Variants in ADGRL3 observed in about 807,000 individuals in gnomAD.
The protein encoded by ADGRL3 is calcium-independent alpha-latrotoxin receptor 3.
ADGRL3 carries 62 observed loss-of-function variants against 153.5 expected under a neutral mutation model. The ratio of observed to expected loss-of-function variants is 0.40; its 90% CI spans 0.33 to 0.50. The LOEUF (loss-of-function observed/expected upper bound fraction) is 0.50, where lower values mean the gene tolerates loss of function less well. ADGRL3 is among the 20% of genes least tolerant of loss of function. The probability of loss-of-function intolerance (pLI) is 0.47; values close to 1 mark genes in which losing one functional copy is unlikely to be tolerated. For missense variants in ADGRL3, 1,641 were observed against 1,859.4 expected (o/e 0.88, Z 2.16); for synonymous variants, 710 against 672.5 (o/e 1.06, Z -0.86).
chr4:61,360,323 C>A (rs1394315723), intron 1 of ADGRL3, among the ~76,000 whole-genome samples: 1 of 152,034 alleles, frequency 6.6e-6, no homozygotes, highest in African/African-American at 2.4e-5. Flanking sequence ...TGACCAAAAT[C>A]ATTAGAAAAG....
chr4:61,550,773 T>C (rs1485783524), intron 4 of ADGRL3, among the ~76,000 whole-genome samples: 3 of 152,040 alleles, frequency 2.0e-5, no homozygotes, highest in African/African-American at 7.2e-5. Context: ...AGTATTCTTA[T>C]TTGTGAAGTG....
chr4:61,674,410 T>C (rs564845431), intron 5 of ADGRL3, among the ~76,000 whole-genome samples: 51 of 151,808 alleles, frequency 3.4e-4, no homozygotes, highest in Non-Finnish European at 5.9e-4. Flanking sequence ...TGTTTATACC[T>C]GAAAATTACA....
chr4:61,971,138 TTTTA>T lies in ADGRL3; in HGVS notation c.2806-8417_2806-8414del, dbSNP rs532357009. 4.9e-3 allele frequency among the ~76,000 whole-genome samples: 748 copies of T among 151,694 alleles called. 6 individuals carry two copies. Among genetic ancestry groups the T allele is most frequent in the African/African-American group, 0.015 (611 of 41,484 alleles). ...AGAGGCAATTTAATTTTTTAAATTT[TTTTA>T]TTTATTTTTATTTATTTATTTATTA... On this transcript the variant is annotated intron_variant, in intron 17 of 26. Coordinates refer to ENST00000683033, the MANE Select transcript of ADGRL3 (RefSeq NM_001387552.1).
chr4:61,314,784 C>T (rs977965439), intron 1 of ADGRL3, among the ~76,000 whole-genome samples: 1 of 152,168 alleles, frequency 6.6e-6, no homozygotes, highest in African/African-American at 2.4e-5. Flanking sequence ...GAGTACAGTT[C>T]AGGAAGGCTG....
intron 21 of ADGRL3, among the ~76,000 whole-genome samples, chr4:62,007,694 T>C (rs554181586): frequency 3.2e-4 from 48 of 151,760 alleles, no homozygotes; most frequent in African/African-American, 1.1e-3. Flanking sequence ...ATGTGGACAC[T>C]GTGCCCCACA....
intron 15 of ADGRL3, 145 bp downstream of exon 15, chr4:61,936,190 CTCTT>C (rs899255731): frequency 1.4e-4 from 117 of 845,076 alleles, no homozygotes; most frequent in Admixed American, 2.0e-4. Context: ...CCTCTTCCTC[CTCTT>C]TCTACTGTAC....
At chr4:61,272,057 A>G (rs1262548760) in intron 1 of ADGRL3, among the ~76,000 whole-genome samples, 1 of 152,026 alleles carries the variant, frequency 6.6e-6, no homozygotes, top group African/African-American at 2.4e-5. Context: ...AGTGGAATCA[A>G]TTCACAGTCA....
At chr4:61,496,813 C>T (rs170842) in intron 2 of ADGRL3, among the ~76,000 whole-genome samples, 112,268 of 150,176 alleles carry the variant, frequency 0.75, 44,186 homozygotes, top group East Asian at 0.95. Flanking sequence ...TGGTGGTGGG[C>T]GCTTGTAGTC....
intron 8 of ADGRL3, among the ~76,000 whole-genome samples, chr4:61,748,460 T>C (rs1415769839): frequency 5.3e-5 from 8 of 151,454 alleles, no homozygotes; most frequent in Non-Finnish European, 1.0e-4. Flanking sequence ...CTTCAAACTA[T>C]ACTACAAGGC....
intron 15 of ADGRL3, among the ~76,000 whole-genome samples, chr4:61,938,346 AC>A (rs1581546976): frequency 6.6e-6 from 1 of 152,190 alleles, no homozygotes; most frequent in African/African-American, 2.4e-5. Context: ...TTATGTTATA[AC>A]AGATAAGTCT....
chr4:61,428,020 A>C (rs1456867), intron 2 of ADGRL3: 142,658 of 153,042 alleles, frequency 0.93, 67,324 homozygotes, highest in East Asian at 1. Flanking sequence ...CCACAAGGTA[A>C]CACAACCCAT....
At chr4:61,835,013 T>A (rs1225601898) in intron 9 of ADGRL3, among the ~76,000 whole-genome samples, 3 of 152,192 alleles carry the variant, frequency 2.0e-5, no homozygotes, top group Non-Finnish European at 1.5e-5. Context: ...TATCTCTTCA[T>A]AACTGACATT....
intron 2 of ADGRL3, among the ~76,000 whole-genome samples, chr4:61,390,153 A>C (rs1183669154): frequency 6.6e-6 from 1 of 152,170 alleles, no homozygotes; most frequent in African/African-American, 2.4e-5. Context: ...TAGTTATTTT[A>C]AAATAAATGT....
At chr4:61,591,025 T>C (rs1421675413) in intron 5 of ADGRL3, among the ~76,000 whole-genome samples, 2 of 152,188 alleles carry the variant, frequency 1.3e-5, no homozygotes, top group Non-Finnish European at 2.9e-5. Context: ...AGCTCATCCA[T>C]GTAACTATCA....
In ADGRL3 at chr4:61,813,765, A is replaced by G. The variant is rs549344950; in HGVS notation, c.1400-44A>G. 1.1e-5 allele frequency: 17 copies of G among 1,603,170 alleles called. No individual in the cohort carries two copies. In the East Asian group the frequency reaches 2.9e-4, roughly 27 times the overall value. On this transcript the variant is annotated intron_variant, in intron 8 of 26. Coordinates refer to ENST00000683033, the MANE Select transcript of ADGRL3 (RefSeq NM_001387552.1). ...TAAAAACAATTTAAAAAGGGAAAAG[A>G]CATACGTATGATGTCTTCTTAACAA...
chr4:61,580,271 A>C (rs1319533331), intron 4 of ADGRL3, among the ~76,000 whole-genome samples: 2 of 152,064 alleles, frequency 1.3e-5, no homozygotes, highest in South Asian at 4.1e-4. Flanking sequence ...TTTTCAAAAG[A>C]GCTCTTTTTT....
At chr4:61,364,786 T>C (rs945875768) in intron 1 of ADGRL3, among the ~76,000 whole-genome samples, 5 of 152,214 alleles carry the variant, frequency 3.3e-5, no homozygotes, top group African/African-American at 9.6e-5. Context: ...ATCACCAAAA[T>C]TCAGTAATAA....
chr4:61,498,377 C>T (rs939779681), intron 3 of ADGRL3, among the ~76,000 whole-genome samples: 7 of 151,974 alleles, frequency 4.6e-5, no homozygotes, highest in African/African-American at 9.7e-5. Flanking sequence ...CGTGAAACCC[C>T]GTCTCTACTA....
chr4:61,873,799 G>A (rs927503612), intron 9 of ADGRL3, among the ~76,000 whole-genome samples: 3 of 151,904 alleles, frequency 2.0e-5, no homozygotes, highest in Non-Finnish European at 4.4e-5. Flanking sequence ...AGTTTCTAGA[G>A]ATATTTTTGT....
Sources: allele counts gnomAD v4.1 joint callset (sites outside exome capture counted in the v4.1 genomes callset), GRCh38; gene constraint gnomAD v4.1.1; transcripts MANE v1.5; gene names NCBI Gene and HGNC (gene_info 2026-07-23, HGNC 2026-07-21).